PPFIA2: variants seen among roughly 807,000 people sequenced by gnomAD.
PPFIA2 encodes PPFI scaffold protein A2, also known as liprin-alpha-2.
PPFIA2 carries 46 observed loss-of-function variants against 175.5 expected under a neutral mutation model. The ratio of observed to expected loss-of-function variants is 0.26; its 90% CI spans 0.21 to 0.34. PPFIA2 has a LOEUF of 0.34. PPFIA2 is among the 10% of genes least tolerant of loss of function. The probability of loss-of-function intolerance (pLI) is 1.00; values close to 1 mark genes in which losing one functional copy is unlikely to be tolerated. For synonymous variants in PPFIA2, 568 were observed against 511.4 expected, an observed-to-expected ratio of 1.11 and a Z score of -1.49; for missense variants, 1,179 against 1,506.1, an observed-to-expected ratio of 0.78 and a Z score of 3.60.
intron 21 of PPFIA2, among the ~76,000 whole-genome samples, chr12:81,328,930 A>G (rs549027590): frequency 4.5e-4 from 68 of 151,142 alleles, no homozygotes; most frequent in African/African-American, 1.7e-3. Context: ...CCTCCTCCCA[A>G]GTAGCTGGGA....
chr12:81,757,530 T>C, intron 2 of PPFIA2, among the ~76,000 whole-genome samples: 1 of 152,200 alleles, frequency 6.6e-6, no homozygotes, highest in East Asian at 1.9e-4. Flanking sequence ...AAAAAAGTAA[T>C]AATAAATCTG....
chr12:81,670,973 C>T (rs2071287847), intron 4 of PPFIA2, among the ~76,000 whole-genome samples: 1 of 151,900 alleles, frequency 6.6e-6, no homozygotes, highest in Non-Finnish European at 1.5e-5. Context: ...ACTCTATATA[C>T]ATGTTTTTTG....
intron 10 of PPFIA2, 112 bp from the exon 11 acceptor site, chr12:81,374,880 A>G (rs1411062100): frequency 1.1e-6 from 1 of 943,084 alleles, no homozygotes; most frequent in East Asian, 2.5e-5. Flanking sequence ...ATCAGCCACT[A>G]CCACACCTAA....
At chr12:81,677,048 TA>T (rs1221131997) in intron 3 of PPFIA2, among the ~76,000 whole-genome samples, 1 of 151,988 alleles carries the variant, frequency 6.6e-6, no homozygotes, top group Non-Finnish European at 1.5e-5. Context: ...TGGAAGTCTA[TA>T]AAAAGAAAAA....
intron 4 of PPFIA2, among the ~76,000 whole-genome samples, chr12:81,500,837 C>T (rs781076733): frequency 6.6e-6 from 1 of 152,154 alleles, no homozygotes; most frequent in Non-Finnish European, 1.5e-5. Context: ...TAATTTAACC[C>T]TGATTTCTCA....
intron 7 of PPFIA2, among the ~76,000 whole-genome samples, chr12:81,412,399 G>C (rs1399108978): frequency 6.7e-6 from 1 of 148,452 alleles, no homozygotes; most frequent in Non-Finnish European, 1.5e-5. Context: ...TATTTATTTA[G>C]CTCTTATAAT....
chr12:81,474,696 A>C (rs1307154796), intron 4 of PPFIA2, among the ~76,000 whole-genome samples: 1 of 152,182 alleles, frequency 6.6e-6, no homozygotes, highest in African/African-American at 2.4e-5. Flanking sequence ...AAATATAATT[A>C]TTACTTTTTG....
intron 4 of PPFIA2, among the ~76,000 whole-genome samples, chr12:81,531,902 G>T (rs2064625471): frequency 6.6e-6 from 1 of 151,636 alleles, no homozygotes; most frequent in Non-Finnish European, 1.5e-5. Context: ...CAAAGAGCAA[G>T]GTTTATTAAA....
At chr12:81,461,026 A>G (rs963436263) in intron 4 of PPFIA2, among the ~76,000 whole-genome samples, 3 of 152,088 alleles carry the variant, frequency 2.0e-5, no homozygotes, top group African/African-American at 4.8e-5. Context: ...ATATTTCCCA[A>G]GGTCATCAAA....
chr12:81,519,289 C>G (rs189588791), intron 4 of PPFIA2, among the ~76,000 whole-genome samples: 2 of 152,236 alleles, frequency 1.3e-5, no homozygotes, highest in Admixed American at 1.3e-4. Flanking sequence ...ATTCTATTCT[C>G]CTCAATCTGT....
At chr12:81,489,305 T>C (rs1226481374) in intron 4 of PPFIA2, among the ~76,000 whole-genome samples, 1 of 151,760 alleles carries the variant, frequency 6.6e-6, no homozygotes, top group East Asian at 1.9e-4. Context: ...AAAATATTCA[T>C]AATAGATCAT....
chr12:81,580,249 C>T (rs545201485), intron 4 of PPFIA2, among the ~76,000 whole-genome samples: 1 of 151,842 alleles, frequency 6.6e-6, no homozygotes, highest in African/African-American at 2.4e-5. Context: ...TGATGACAAT[C>T]CCTTGAGGTT....
intron 21 of PPFIA2, among the ~76,000 whole-genome samples, chr12:81,336,810 G>C (rs1386363167): frequency 6.6e-6 from 1 of 152,022 alleles, no homozygotes; most frequent in African/African-American, 2.4e-5. Flanking sequence ...CTATTTTCTA[G>C]TTCTATTTTT....
chr12:81,371,874 A>C (rs1566515748), intron 11 of PPFIA2, among the ~76,000 whole-genome samples: 1 of 151,386 alleles, frequency 6.6e-6, no homozygotes, highest in South Asian at 2.1e-4. Flanking sequence ...TTTCTAAAAG[A>C]CATAAATAAG....
chr12:81,485,726 A>T (rs2058735932), intron 4 of PPFIA2, among the ~76,000 whole-genome samples: 1 of 151,938 alleles, frequency 6.6e-6, no homozygotes, highest in African/African-American at 2.4e-5. Flanking sequence ...CTTAAAATAT[A>T]AGTTTCTATG....
chr12:81,576,121 T>C (rs1430575960), intron 4 of PPFIA2, among the ~76,000 whole-genome samples: 1 of 151,486 alleles, frequency 6.6e-6, no homozygotes, highest in African/African-American at 2.4e-5. Flanking sequence ...TCCCTTACAA[T>C]TGAAGGGAAG....
intron 21 of PPFIA2, among the ~76,000 whole-genome samples, chr12:81,330,254 C>T (rs1461666554): frequency 1.3e-5 from 2 of 152,108 alleles, no homozygotes; most frequent in Non-Finnish European, 2.9e-5. Context: ...ATTGCAATCC[C>T]ATGCCAAAAA....
At chr12:81,492,508 G>A (rs1049158687) in intron 4 of PPFIA2, among the ~76,000 whole-genome samples, 3 of 152,002 alleles carry the variant, frequency 2.0e-5, no homozygotes, top group African/African-American at 7.2e-5. Flanking sequence ...GGGTGGAGCT[G>A]CAATCTAGAT....
At chr12:81,520,332 A>G in intron 4 of PPFIA2, among the ~76,000 whole-genome samples, 1 of 152,192 alleles carries the variant, frequency 6.6e-6, no homozygotes, top group East Asian at 1.9e-4. Flanking sequence ...ATGAGATTTC[A>G]TCACACTACT....
Sources: gnomAD v4.1 joint callset for allele counts (sites outside exome capture counted in the v4.1 genomes callset) on GRCh38, gnomAD v4.1.1 for gene constraint, MANE v1.5 for transcripts, NCBI Gene and HGNC (gene_info 2026-07-23, HGNC 2026-07-21) for gene names.